The following ADARB2 variants were observed in gnomAD, a reference collection of about 807,000 sequenced individuals.
ADARB2 encodes the protein adenosine deaminase RNA specific B2 (inactive), also known as inactive double-stranded RNA-specific editase B2.
A neutral mutation model predicts 62.2 loss-of-function variants in ADARB2; 25 were observed. The observed-to-expected ratio is 0.40, with a 90% confidence interval of 0.29 to 0.56. ADARB2 has a LOEUF of 0.56. Among genes scored for constraint, ADARB2 ranks in the 20% least tolerant of loss-of-function variants. The pLI, the probability that ADARB2 is intolerant of heterozygous loss-of-function variation, is 0.43. For synonymous variants in ADARB2, 572 were observed against 500.8 expected, an observed-to-expected ratio of 1.14 and a Z score of -1.90; for missense variants, 1,071 against 1,077.4, an observed-to-expected ratio of 0.99 and a Z score of 0.08.
chr10:1,248,538 G>T (rs1831007813), intron 4 of ADARB2, among the ~76,000 whole-genome samples: 1 of 152,234 alleles, frequency 6.6e-6, no homozygotes, highest in African/African-American at 2.4e-5. Context: ...CTCAGGAGGA[G>T]GCTGCAGCTG....
intron 2 of ADARB2, among the ~76,000 whole-genome samples, chr10:1,371,297 G>A (rs961132783): frequency 6.6e-6 from 1 of 152,138 alleles, no homozygotes; most frequent in African/African-American, 2.4e-5. Flanking sequence ...TTAATTCGAC[G>A]ATGGATTAAA....
In ADARB2 at chr10:1,659,520, A is replaced by T. The variant is rs1312929119; in HGVS notation, c.100+77531T>A. Among the ~76,000 whole-genome samples, 4 of 152,380 alleles carry T rather than the reference A, an allele frequency of 2.6e-5. No individual in the cohort carries two copies. In the East Asian group the frequency reaches 5.8e-4, roughly 22 times the overall value. ...TTCCCTGGAAGGAGCCTGGAGCCCC[A>T]CTGCCGGCCCCGGTCACTTTAGTCT... On this transcript the variant is annotated intron_variant, in intron 1 of 9. Transcript: ENST00000381312.
intron 1 of ADARB2, among the ~76,000 whole-genome samples, chr10:1,631,436 G>A (rs1350712428): frequency 6.6e-6 from 1 of 152,202 alleles, no homozygotes; most frequent in East Asian, 1.9e-4. Flanking sequence ...AGGGCCAGCT[G>A]GTGTCATGCC....
chr10:1,469,625 A>C (rs1831296711), intron 1 of ADARB2, among the ~76,000 whole-genome samples: 1 of 152,242 alleles, frequency 6.6e-6, no homozygotes, highest in African/African-American at 2.4e-5. Flanking sequence ...TAGTTGTCGT[A>C]ATTGATGACT....
chr10:1,271,171 CCA>C (rs1226439560), intron 3 of ADARB2, 102 bp from the exon 4 acceptor site: 2 of 897,006 alleles, frequency 2.2e-6, no homozygotes, highest in East Asian at 5.3e-5. Flanking sequence ...CCCCATGTGG[CCA>C]CACATGGGCC....
At chr10:1,369,267 C>A (rs1564271557) in intron 2 of ADARB2, among the ~76,000 whole-genome samples, 2 of 152,142 alleles carry the variant, frequency 1.3e-5, no homozygotes, top group African/African-American at 4.8e-5. Flanking sequence ...CAGGAAAACA[C>A]CTGCCTCTAA....
At chr10:1,601,144 G>A (rs1588318446) in intron 1 of ADARB2, among the ~76,000 whole-genome samples, 1 of 152,320 alleles carries the variant, frequency 6.6e-6, no homozygotes, top group Admixed American at 6.5e-5. Context: ...CAGTTTGCCT[G>A]TTCCCGTCCT....
chr10:1,350,406 C>G (rs1211413935), intron 3 of ADARB2, among the ~76,000 whole-genome samples: 2 of 152,146 alleles, frequency 1.3e-5, no homozygotes, highest in Non-Finnish European at 2.9e-5. Flanking sequence ...CTCGCCAGAC[C>G]GAGCTAGGTC....
At chr10:1,552,907 G>A (rs551237264) in intron 1 of ADARB2, among the ~76,000 whole-genome samples, 12 of 123,544 alleles carry the variant, frequency 9.7e-5, no homozygotes, top group Admixed American at 1.9e-4. Context: ...CCTGTGGAAC[G>A]GAACCCTTAA....
chr10:1,649,516 C>G (rs961688826), intron 1 of ADARB2, among the ~76,000 whole-genome samples: 1 of 152,336 alleles, frequency 6.6e-6, no homozygotes. Flanking sequence ...CCTGTGTCCA[C>G]TTTTCTGTTT....
chr10:1,233,657 C>T, intron 6 of ADARB2, 37 bp downstream of exon 6: 1 of 1,579,238 alleles, frequency 6.3e-7, no homozygotes. Flanking sequence ...GAGCTGGGGG[C>T]TGTTGGCCTA....
At chr10:1,453,290 T>C (rs567147044) in intron 1 of ADARB2, among the ~76,000 whole-genome samples, 25 of 152,366 alleles carry the variant, frequency 1.6e-4, no homozygotes, top group Middle Eastern at 3.4e-3. Context: ...TCAATTTCTT[T>C]CTGCCTTTTG....
At chr10:1,697,027 C>T (rs1319414387) in intron 1 of ADARB2, among the ~76,000 whole-genome samples, 1 of 151,838 alleles carries the variant, frequency 6.6e-6, no homozygotes, top group East Asian at 1.9e-4. Context: ...TATGTGTGGC[C>T]CAAGACAGTT....
At chr10:1,611,022 C>T (rs577454027) in intron 1 of ADARB2, among the ~76,000 whole-genome samples, 1 of 152,278 alleles carries the variant, frequency 6.6e-6, no homozygotes, top group Non-Finnish European at 1.5e-5. Context: ...ATGGTCCATA[C>T]GACGACATCA....
At chr10:1,510,668 T>C (rs1419533502) in intron 1 of ADARB2, among the ~76,000 whole-genome samples, 1 of 152,202 alleles carries the variant, frequency 6.6e-6, no homozygotes, top group South Asian at 2.1e-4. Context: ...AATGACACCT[T>C]AGAGTCCTTT....
rs147485946 is a variant in ADARB2 at position 1,197,014 on chromosome 10, C to T, written c.1864+2952G>A. ...TCTAGTGACTGTAAGAAACAGCAGG[C>T]TGCTAAAATATTTCTGTAATGCTTA... is the stretch of plus-strand genomic sequence containing the variant. On this transcript the variant is annotated intron_variant, in intron 8 of 9. Transcript: ENST00000381312. Among the ~76,000 whole-genome samples, 50 of 152,326 alleles carry T rather than the reference C, an allele frequency of 3.3e-4. No individual in the cohort carries two copies. In the East Asian group the frequency reaches 8.9e-3, roughly 27 times the overall value.
chr10:1,437,163 C>T (rs1204109916), intron 1 of ADARB2, among the ~76,000 whole-genome samples: 8 of 151,768 alleles, frequency 5.3e-5, no homozygotes, highest in Non-Finnish European at 7.4e-5. Context: ...TTGTAAAAGA[C>T]GTAAATGGGA....
At chr10:1,360,483 G>C (rs897441569) in intron 3 of ADARB2, among the ~76,000 whole-genome samples, 23 of 152,206 alleles carry the variant, frequency 1.5e-4, no homozygotes, top group African/African-American at 5.3e-4. Flanking sequence ...TTTTGGGGAA[G>C]GTTGGGGCAG....
intron 7 of ADARB2, among the ~76,000 whole-genome samples, chr10:1,214,129 G>A (rs1448247111): frequency 9.2e-6 from 1 of 109,158 alleles, no homozygotes; most frequent in Admixed American, 1.2e-4. Flanking sequence ...CCAGCGTCAT[G>A]TAGGTTTGCA....
Sources: gnomAD v4.1 joint callset for allele counts (sites outside exome capture counted in the v4.1 genomes callset) on GRCh38, gnomAD v4.1.1 for gene constraint, MANE v1.5 for transcripts, NCBI Gene and HGNC (gene_info 2026-07-23, HGNC 2026-07-21) for gene names.